The following PARD6B variants were observed in gnomAD, a reference collection of about 807,000 sequenced individuals.
PARD6B encodes par-6 family cell polarity regulator beta.
PARD6B carries 4 observed loss-of-function variants against 10.5 expected under a neutral mutation model. The ratio of observed to expected loss-of-function variants is 0.38; its 90% CI spans 0.19 to 0.87. PARD6B has a LOEUF of 0.87. Ranked by LOEUF, PARD6B falls within the 40% of genes least tolerant of loss-of-function variation. PARD6B has a pLI of 0.41. For missense variants in PARD6B, 396 were observed against 470.6 expected (o/e 0.84, Z 1.47); for synonymous variants, 169 against 170.4 (o/e 0.99, Z 0.07).
At position 50,737,819 on chromosome 20, in the gene PARD6B, T is replaced by C; in HGVS notation, c.67-38T>C. The C allele has an allele frequency of 5.9e-6, 8 of 1,365,814 alleles. 1 individual carries two copies. Among genetic ancestry groups the C allele is most frequent in the Non-Finnish European group, 7.7e-6 (8 of 1,035,150 alleles). 84.6% of individuals were successfully genotyped at this position (1,365,814 alleles called of 1,614,324 possible). On this transcript the variant is annotated intron_variant, in intron 1 of 2. Coordinates refer to ENST00000371610, the MANE Select transcript of PARD6B (RefSeq NM_032521.3). Reference sequence around the variant, plus strand: ...TTTCAAATTGGGTCCTTTTACTTTTTTTTTTTTTTTTAAGTAATATGTTTG... The same window carrying C: ...TTTCAAATTGGGTCCTTTTACTTTTCTTTTTTTTTTTAAGTAATATGTTTG...
rs1292095094 is a variant in PARD6B, at chr20:50,753,235, G to C, written c.*2747G>C. On this transcript the variant is annotated 3_prime_UTR_variant, in exon 3 of 3. Transcript: ENST00000371610. ...TATTGCTTTTTATTTTAATTATCCT[G>C]TTAAGGGTATCTATCAATGGTATTT... is the stretch of plus-strand genomic sequence containing the variant. The C allele has an allele frequency of 8.1e-6, 8 of 984,880 alleles. No individual in the cohort carries two copies. Among genetic ancestry groups the C allele is most frequent in the Non-Finnish European group, 9.6e-6 (8 of 829,272 alleles). The allele number at this position is 984,880 out of a possible 1,614,324, so 61.0% of individuals were successfully genotyped here. A position where few individuals can be genotyped will look rare whatever the true frequency, so the allele number is the denominator to read the frequency against.
At position 50,750,346 on chromosome 20, in the gene PARD6B, GC is replaced by G. The variant is rs2087595066; in HGVS notation, c.978del (p.Phe327LeufsTer14). 3 of 1,614,216 alleles carry G rather than the reference GC, an allele frequency of 1.9e-6. No individual in the cohort carries two copies. The highest frequency in any genetic ancestry group is 2.5e-6 in the Non-Finnish European group (3 of 1,180,040). On this transcript the variant is annotated frameshift_variant, in exon 3 of 3. Transcript: ENST00000371610. LOFTEE classifies it low-confidence loss of function (END_TRUNC). Reference sequence around the variant, plus strand: ...GAGTCATTAACACAGATAGAGCTAAGCTTTGAGTCTGGACAGAATGGCTTTA... The same window carrying G: ...GAGTCATTAACACAGATAGAGCTAAGTTTGAGTCTGGACAGAATGGCTTTA... Reference protein sequence around the residue: ...SLESLTQIELSFESGQNGFIP... With the variant: ...SLESLTQIELXFESGQNGFIP...
At position 50,750,733 on chromosome 20, in the gene PARD6B, T is replaced by G. The variant is rs2087600238; in HGVS notation, c.*245T>G. The G allele has an allele frequency of 1.6e-6, 2 of 1,273,360 alleles. No individual in the cohort carries two copies. The highest frequency in any genetic ancestry group is 3.0e-5 in the African/African-American group (2 of 66,474). The allele number at this position is 1,273,360 out of a possible 1,614,324, so 78.9% of individuals were successfully genotyped here. A position where few individuals can be genotyped will look rare whatever the true frequency, so the allele number is the denominator to read the frequency against. On this transcript the variant is annotated 3_prime_UTR_variant, in exon 3 of 3. Transcript: ENST00000371610. ...ATGAAGTTACGTGCTTTTGCTGTTT[T>G]GTCTGTGGAGAATCAGATGTTAAAG...
In PARD6B at chr20:50,750,954, A is replaced by ATTTTTTTTTTTTTTTTTTGTT. The variant is rs2087603327; in HGVS notation, c.*484_*485insGTTTTTTTTTTTTTTTTTTTT. 1 of 365,692 alleles carries ATTTTTTTTTTTTTTTTTTGTT rather than the reference A, an allele frequency of 2.7e-6. No homozygotes were observed. The allele number at this position is 365,692 out of a possible 1,614,324, so 22.7% of individuals were successfully genotyped here. A position where few individuals can be genotyped will look rare whatever the true frequency, so the allele number is the denominator to read the frequency against. ...CTCATGTTCCCAATATTTTATTTTG[A>ATTTTTTTTTTTTTTTTTTGTT]TTTTTTTTTTTTTTTTTTTTTTTTT... is the stretch of plus-strand genomic sequence containing the variant. On this transcript the variant is annotated 3_prime_UTR_variant, in exon 3 of 3. Transcript: ENST00000371610.
intron 2 of PARD6B, 109 bp downstream of exon 2, chr20:50,738,188 TG>T: frequency 1.4e-6 from 1 of 702,682 alleles, no homozygotes; most frequent in Non-Finnish European, 2.2e-6. Context: ...ACATTTTGTG[TG>T]AATCTTCTTA....
Position 50,750,791 on chromosome 20 carries a change from C to A in PARD6B, c.*303C>A. On this transcript the variant is annotated 3_prime_UTR_variant, in exon 3 of 3. Coordinates refer to ENST00000371610, the MANE Select transcript of PARD6B (RefSeq NM_032521.3). ...TTGGAACTATGTGAGAAGACTAGATCATTTCTGTTGGAAGTGGTTGCATAT... is the reference window on the plus strand; with the variant it reads ...TTGGAACTATGTGAGAAGACTAGATAATTTCTGTTGGAAGTGGTTGCATAT... 1 of 1,115,584 alleles carries A rather than the reference C, an allele frequency of 9.0e-7. No homozygotes were observed. Among genetic ancestry groups the A allele is most frequent in the Non-Finnish European group, 1.1e-6 (1 of 910,508 alleles). 69.1% of individuals were successfully genotyped at this position (1,115,584 alleles called of 1,614,324 possible).
At chr20:50,731,933 G>T in intron 1 of PARD6B, 81 bp downstream of exon 1, 1 of 1,212,034 alleles carries the variant, frequency 8.3e-7, no homozygotes, top group South Asian at 2.4e-5. Context: ...TCGGAGCGCC[G>T]GGGGAGGCGA....
At chr20:50,736,892 G>T (rs181847968) in intron 1 of PARD6B, among the ~76,000 whole-genome samples, 1 of 152,182 alleles carries the variant, frequency 6.6e-6, no homozygotes, top group African/African-American at 2.4e-5. Context: ...GTAGAGACGG[G>T]TTTTGCCATG....
Position 50,752,526 on chromosome 20 carries a change from T to C in PARD6B, c.*2038T>C, listed in dbSNP as rs563608263. ...CTGCTAACTTTAATTCCTTGCCTGA[T>C]TTTATTGTACAGTGTGCACAAGCAC... On this transcript the variant is annotated 3_prime_UTR_variant, in exon 3 of 3. Coordinates refer to ENST00000371610, the MANE Select transcript of PARD6B (RefSeq NM_032521.3). The C allele has an allele frequency of 1.4e-5, 14 of 976,194 alleles. No homozygotes were observed. In the East Asian group the frequency reaches 1.4e-3, roughly 96 times the overall value. The allele number at this position is 976,194 out of a possible 1,614,324, so 60.5% of individuals were successfully genotyped here. A position where few individuals can be genotyped will look rare whatever the true frequency, so the allele number is the denominator to read the frequency against.
At position 50,753,638 on chromosome 20, in the gene PARD6B, T is replaced by C; in HGVS notation, c.*3150T>C. On this transcript the variant is annotated 3_prime_UTR_variant, in exon 3 of 3. Transcript: ENST00000371610. ...TGTCAGTATTTTACTACAATTTTAT[T>C]ATAAAGTGTACATTATCACTAAATG... is the stretch of plus-strand genomic sequence containing the variant. 1.3e-6 allele frequency: 1 copy of C among 788,256 alleles called. No homozygotes were observed. Among genetic ancestry groups the C allele is most frequent in the Non-Finnish European group, 1.5e-6 (1 of 649,786 alleles). 48.8% of individuals were successfully genotyped at this position (788,256 alleles called of 1,614,324 possible).
rs1017071268 is a variant in PARD6B, at chr20:50,751,667, A to C, written c.*1179A>C. The C allele has an allele frequency of 1.3e-4, 124 of 984,044 alleles. No individual in the cohort carries two copies. Among genetic ancestry groups the C allele is most frequent in the Non-Finnish European group, 1.4e-4 (115 of 829,810 alleles). The allele number at this position is 984,044 out of a possible 1,614,324, so 61.0% of individuals were successfully genotyped here. A position where few individuals can be genotyped will look rare whatever the true frequency, so the allele number is the denominator to read the frequency against. ...AGTTGTGCATTTCTGGTTTCTAAGA[A>C]TCAAACCACTTGGCTGTTTTTAGGA... On this transcript the variant is annotated 3_prime_UTR_variant, in exon 3 of 3. Transcript: ENST00000371610.
chr20:50,748,740 C>T (rs1377605082), intron 2 of PARD6B, among the ~76,000 whole-genome samples: 1 of 152,030 alleles, frequency 6.6e-6, no homozygotes, highest in African/African-American at 2.4e-5. Flanking sequence ...ACGCTGTTGC[C>T]CAGGCTGGGC....
Position 50,749,698 on chromosome 20 carries a change from TAAA to T in PARD6B, c.330_332del (p.Ile110_Lys111delinsMet). On this transcript the variant is annotated inframe_deletion, in exon 3 of 3. Transcript: ENST00000371610. ...AGTGCCTTTGGTACAGACACGCTAATAAAGAAGAAGAATGTTTTAACCAACGTA... is the reference window on the plus strand; with the variant it reads ...AGTGCCTTTGGTACAGACACGCTAATGAAGAAGAATGTTTTAACCAACGTA... 1 of 1,610,990 alleles carries T rather than the reference TAAA, an allele frequency of 6.2e-7. No homozygotes were observed.
chr20:50,738,398 A>G (rs866196452), intron 2 of PARD6B, among the ~76,000 whole-genome samples: 7 of 152,328 alleles, frequency 4.6e-5, no homozygotes, highest in Admixed American at 2.6e-4. Context: ...TATCAAATGG[A>G]TTATTCTCCA....
At chr20:50,735,421 T>C (rs767133410) in intron 1 of PARD6B, among the ~76,000 whole-genome samples, 1 of 152,232 alleles carries the variant, frequency 6.6e-6, no homozygotes, top group Non-Finnish European at 1.5e-5. Context: ...CTAATTATTA[T>C]TCATAGGCAA....
At position 50,737,838 on chromosome 20, in the gene PARD6B, A is replaced by G; in HGVS notation, c.67-19A>G. The G allele has an allele frequency of 7.4e-7, 1 of 1,357,062 alleles. No individual in the cohort carries two copies. Among genetic ancestry groups the G allele is most frequent in the Non-Finnish European group, 9.7e-7 (1 of 1,030,568 alleles). 84.1% of individuals were successfully genotyped at this position (1,357,062 alleles called of 1,614,324 possible). ...ACTTTTTTTTTTTTTTTTAAGTAATATGTTTGTTACGTTTATAGTTTGGAG... is the reference window on the plus strand; with the variant it reads ...ACTTTTTTTTTTTTTTTTAAGTAATGTGTTTGTTACGTTTATAGTTTGGAG... On this transcript the variant is annotated intron_variant, in intron 1 of 2. Transcript: ENST00000371610.
In PARD6B at chr20:50,753,086, T is replaced by A. The variant is rs532198533; in HGVS notation, c.*2598T>A. On this transcript the variant is annotated 3_prime_UTR_variant, in exon 3 of 3. Transcript: ENST00000371610. ...CACACTACCTCTCTCTTTTTTTTTT[T>A]AAAGTTTTAACATCAGAACTTTTGG... 1.1e-4 allele frequency: 111 copies of A among 982,588 alleles called. No individual in the cohort carries two copies. The African/African-American group carries it at 1.6e-3, about 14-fold the overall frequency. 60.9% of individuals were successfully genotyped at this position (982,588 alleles called of 1,614,324 possible).
At chr20:50,744,342 G>A (rs1420245246) in intron 2 of PARD6B, among the ~76,000 whole-genome samples, 5 of 151,702 alleles carry the variant, frequency 3.3e-5, no homozygotes, top group Admixed American at 2.6e-4. Context: ...GCGAACTCCC[G>A]ACCTCTGGTA....
chr20:50,748,690 C>T (rs1215913223), intron 2 of PARD6B, among the ~76,000 whole-genome samples: 1 of 152,108 alleles, frequency 6.6e-6, no homozygotes, highest in Admixed American at 6.5e-5. Context: ...CCTACCACAC[C>T]TGGCTAATTT....
Sources: allele counts gnomAD v4.1 joint callset (sites outside exome capture counted in the v4.1 genomes callset), GRCh38; gene constraint gnomAD v4.1.1; transcripts MANE v1.5; gene names NCBI Gene and HGNC (gene_info 2026-07-23, HGNC 2026-07-21).